LCP2: variants seen among roughly 807,000 people sequenced by gnomAD.
The protein encoded by LCP2 is lymphocyte cytosolic protein 2.
In LCP2, 29 loss-of-function variants were observed where a neutral mutation model predicts 74.5. That is an observed-to-expected ratio of 0.39 (90% CI 0.29 to 0.53). The LOEUF (loss-of-function observed/expected upper bound fraction) is 0.53, where lower values mean the gene tolerates loss of function less well. LCP2 is among the 20% of genes least tolerant of loss of function. LCP2 has a pLI of 0.72. For synonymous variants in LCP2, 228 were observed against 229.5 expected (o/e 0.99, Z 0.06); for missense variants, 604 against 634.6 (o/e 0.95, Z 0.52).
chr5:170,295,307 T>G (rs13360827), intron 1 of LCP2, among the ~76,000 whole-genome samples: 9,386 of 152,346 alleles, frequency 0.062, 317 homozygotes, highest in Middle Eastern at 0.088. Context: ...CCAGTCTGCA[T>G]GGGTGTCCCC....
intron 3 of LCP2, among the ~76,000 whole-genome samples, chr5:170,283,370 T>C (rs1415047996): frequency 2.0e-5 from 3 of 152,322 alleles, no homozygotes; most frequent in South Asian, 2.1e-4. Flanking sequence ...AAGACATCAG[T>C]TGAGCTTAGC....
rs1169818968 is a variant in LCP2, at chr5:170,246,282, G to A, written c.*2415C>T. ...TGTTTTGAAGAATGGCTTAACTTAC[G>A]TCACTAATGGCAAGTGTATGACATA... On this transcript the variant is annotated 3_prime_UTR_variant, in exon 21 of 21. Coordinates refer to ENST00000046794, the MANE Select transcript of LCP2 (RefSeq NM_005565.5). The A allele has an allele frequency of 5.1e-5, 28 of 552,734 alleles. No homozygotes were observed. The highest frequency in any genetic ancestry group is 7.6e-5 in the Non-Finnish European group (25 of 327,456). 34.2% of individuals were successfully genotyped at this position (552,734 alleles called of 1,614,324 possible).
chr5:170,290,978 AAGAAAGAAAGAAAGAAAGAAAGAG>A (rs778845301), intron 2 of LCP2, among the ~76,000 whole-genome samples: 16,726 of 124,338 alleles, frequency 0.13, 1,081 homozygotes, highest in Middle Eastern at 0.16. Flanking sequence ...GAAAGAAAGA[AAGAAAGAAAGAAAGAAAGAAAGAG>A]AGAAAGAAAG....
At chr5:170,271,544 T>G (rs1386318289) in intron 6 of LCP2, among the ~76,000 whole-genome samples, 1 of 152,204 alleles carries the variant, frequency 6.6e-6, no homozygotes. Flanking sequence ...TTTGAAGCTG[T>G]TCTCTTGGAA....
chr5:170,282,750 G>A (rs1762125396), intron 3 of LCP2, among the ~76,000 whole-genome samples: 4 of 152,160 alleles, frequency 2.6e-5, no homozygotes, highest in Non-Finnish European at 1.5e-5. Context: ...GCATTATACA[G>A]ATAAGGAAGC....
At chr5:170,250,642 G>C in intron 20 of LCP2, 88 bp downstream of exon 20, 1 of 1,049,562 alleles carries the variant, frequency 9.5e-7, no homozygotes, top group Non-Finnish European at 1.5e-6. Context: ...TTGCCATACA[G>C]CACGGACTCT....
rs769576361 is a variant in LCP2, at chr5:170,270,828, G to C, written c.414C>G (p.Pro138=). ...YESPNEEEEA[P]VEDDADYEPP... Reference sequence around the variant, plus strand: ...GCTCATAATCCGCGTCATCTTCCACGGGTGCCTCTTCCTCCTCATTGGGGG... The same window carrying C: ...GCTCATAATCCGCGTCATCTTCCACCGGTGCCTCTTCCTCCTCATTGGGGG... Residue 138 remains proline, a synonymous_variant, in exon 7 of 21, where the codon CCC becomes CCG. Transcript: ENST00000046794. The C allele has an allele frequency of 4.3e-6, 7 of 1,611,748 alleles. No individual in the cohort carries two copies. The highest frequency in any genetic ancestry group is 5.9e-6 in the Non-Finnish European group (7 of 1,178,934).
intron 2 of LCP2, among the ~76,000 whole-genome samples, chr5:170,289,984 A>G (rs758118753): frequency 3.9e-5 from 6 of 152,086 alleles, no homozygotes; most frequent in African/African-American, 1.4e-4. Flanking sequence ...GAGGAGGTGG[A>G]CATGAGCCTG....
At chr5:170,257,305 A>G in intron 16 of LCP2, among the ~76,000 whole-genome samples, 1 of 152,186 alleles carries the variant, frequency 6.6e-6, no homozygotes, top group East Asian at 1.9e-4. Context: ...GAAGAGCAGC[A>G]GAAACTCAGG....
In LCP2 at chr5:170,288,036, G is replaced by A. The variant is rs1173507003; in HGVS notation, c.142-20C>T. On this transcript the variant is annotated intron_variant, in intron 2 of 20. Coordinates refer to ENST00000046794, the MANE Select transcript of LCP2 (RefSeq NM_005565.5). ...CAGGTTCTGAAATGAAGACACATAT[G>A]GCAGGCAGGTTACAACCCACAGAAA... The A allele has an allele frequency of 1.2e-6, 2 of 1,613,398 alleles. No individual in the cohort carries two copies. Among genetic ancestry groups the A allele is most frequent in the African/African-American group, 1.3e-5 (1 of 74,994 alleles).
Position 170,263,113 on chromosome 5 carries a change from T to C in LCP2, c.773-121A>G, listed in dbSNP as rs111243941. The C allele has an allele frequency of 5.6e-5, 67 of 1,188,562 alleles. No homozygotes were observed. In the African/African-American group the frequency reaches 9.1e-4, roughly 16 times the overall value. The allele number at this position is 1,188,562 out of a possible 1,614,324, so 73.6% of individuals were successfully genotyped here. On this transcript the variant is annotated intron_variant, in intron 10 of 20. Transcript: ENST00000046794. ...CTTGGGGGTTGATGGGGTTTAAGCA[T>C]TAAAGAATCAGAAACTTCAGACTAG...
Position 170,270,747 on chromosome 5 carries a change from A to G in LCP2, c.495T>C (p.Pro165=). 6.3e-7 allele frequency: 1 copy of G among 1,589,086 alleles called. No individual in the cohort carries two copies. Among genetic ancestry groups the G allele is most frequent in the Non-Finnish European group, 8.6e-7 (1 of 1,169,332 alleles). Residue 165 remains proline, a synonymous_variant, in exon 7 of 21, where the codon CCT becomes CCC. Transcript: ENST00000046794. ...ALQNSILPAK[P]FPNSNSMYID... ...TGTACATGGAGTTGGAGTTGGGGAA[A>G]GGCTTGGCAGGCAGGATGGAGTTCT...
intron 3 of LCP2, among the ~76,000 whole-genome samples, chr5:170,282,240 T>C (rs745967264): frequency 5.3e-5 from 8 of 152,238 alleles, no homozygotes; most frequent in African/African-American, 1.2e-4. Context: ...AAGAGTGTAA[T>C]ATTGTTTTGG....
chr5:170,262,549 C>A, intron 13 of LCP2, 86 bp downstream of exon 13: 1 of 970,896 alleles, frequency 1.0e-6, no homozygotes, highest in African/African-American at 1.6e-5. Context: ...CACCGAGGAG[C>A]CTCGGTTCCC....
chr5:170,263,917 C>A (rs1761704629), intron 10 of LCP2, among the ~76,000 whole-genome samples: 1 of 152,194 alleles, frequency 6.6e-6, no homozygotes, highest in African/African-American at 2.4e-5. Context: ...GAAAGTTGGT[C>A]ATACAAATTG....
intron 4 of LCP2, 106 bp downstream of exon 4, chr5:170,275,689 G>C (rs1245263791): frequency 1.0e-6 from 1 of 958,938 alleles, no homozygotes; most frequent in Non-Finnish European, 1.6e-6. Flanking sequence ...GGATTCAGGG[G>C]ACAAATGCAG....
chr5:170,287,199 A>T (rs1461401159), intron 3 of LCP2, among the ~76,000 whole-genome samples: 3 of 152,220 alleles, frequency 2.0e-5, no homozygotes, highest in African/African-American at 7.2e-5. Context: ...TTTTTTCATC[A>T]TATGATAACC....
At chr5:170,293,500 C>T (rs1762323864) in intron 1 of LCP2, 128 bp from the exon 2 acceptor site, 7 of 830,536 alleles carry the variant, frequency 8.4e-6, no homozygotes, top group Admixed American at 2.2e-5. Flanking sequence ...CACTGCCCTC[C>T]CTTGGCTAAC....
chr5:170,283,811 C>T (rs1762141664), intron 3 of LCP2, among the ~76,000 whole-genome samples: 1 of 152,196 alleles, frequency 6.6e-6, no homozygotes, highest in Non-Finnish European at 1.5e-5. Flanking sequence ...AATATGTTCC[C>T]ATTTCTAGAA....
Sources: allele counts gnomAD v4.1 joint callset (sites outside exome capture counted in the v4.1 genomes callset), GRCh38; gene constraint gnomAD v4.1.1; transcripts MANE v1.5; gene names NCBI Gene and HGNC (gene_info 2026-07-23, HGNC 2026-07-21).